DOCK1: variants seen among roughly 807,000 people sequenced by gnomAD.
The protein encoded by DOCK1 is dedicator of cytokinesis protein 1.
Under a neutral mutation model 262.7 loss-of-function variants are expected in DOCK1, and 138 were observed. The ratio of observed to expected loss-of-function variants is 0.53; its 90% CI spans 0.46 to 0.61. DOCK1 has a LOEUF of 0.61. Ranked by LOEUF, DOCK1 falls within the 20% of genes least tolerant of loss-of-function variation. DOCK1 has a pLI of 0.00. For synonymous variants in DOCK1, 866 were observed against 867.4 expected, an observed-to-expected ratio of 1.00 and a Z score of 0.03; for missense variants, 1,908 against 2,370.7, an observed-to-expected ratio of 0.80 and a Z score of 4.05.
intron 50 of DOCK1, 148 bp from the exon 51 acceptor site, chr10:127,447,246 C>A: frequency 1.8e-6 from 2 of 1,126,620 alleles, no homozygotes; most frequent in Non-Finnish European, 2.5e-6. Context: ...CCCTCCCTGC[C>A]CTCATCTGCT....
At chr10:126,977,790 C>T (rs1036072346) in intron 2 of DOCK1, among the ~76,000 whole-genome samples, 158 bp from the exon 3 acceptor site, 2 of 152,144 alleles carry the variant, frequency 1.3e-5, no homozygotes, top group East Asian at 3.9e-4. Context: ...TGGGAAACCA[C>T]GTAGTATATC....
chr10:127,010,343 T>C (rs1001073590), intron 11 of DOCK1, among the ~76,000 whole-genome samples: 3 of 152,154 alleles, frequency 2.0e-5, no homozygotes, highest in Non-Finnish European at 1.5e-5. Context: ...GGCAGGTGCC[T>C]GTAATCCCAG....
chr10:126,990,878 A>G (rs1022847753), intron 6 of DOCK1, among the ~76,000 whole-genome samples: 2 of 152,280 alleles, frequency 1.3e-5, no homozygotes, highest in South Asian at 4.2e-4. Flanking sequence ...AGGGAACCCC[A>G]TCATTACTCC....
intron 1 of DOCK1, among the ~76,000 whole-genome samples, chr10:126,936,795 C>A (rs1294813545): frequency 6.6e-6 from 1 of 152,166 alleles, no homozygotes; most frequent in Non-Finnish European, 1.5e-5. Flanking sequence ...GCAAAACATA[C>A]ATACCATGAA....
intron 27 of DOCK1, among the ~76,000 whole-genome samples, chr10:127,192,226 G>C (rs1402603339): frequency 5.9e-5 from 9 of 152,144 alleles, no homozygotes; most frequent in African/African-American, 1.7e-4. Flanking sequence ...GCAATACTTT[G>C]AATAAACAGT....
intron 27 of DOCK1, among the ~76,000 whole-genome samples, chr10:127,145,286 C>T (rs970585657): frequency 2.0e-5 from 3 of 152,128 alleles, no homozygotes; most frequent in African/African-American, 7.2e-5. Context: ...CTCTGCCCAT[C>T]GTAAGTTCTC....
At chr10:126,945,488 A>AGT (rs2035330140) in intron 1 of DOCK1, among the ~76,000 whole-genome samples, 1 of 151,212 alleles carries the variant, frequency 6.6e-6, no homozygotes, top group East Asian at 1.9e-4. Context: ...AGAGAGAGAG[A>AGT]GTGCACACAA....
At chr10:127,125,190 A>G (rs2049871422) in intron 25 of DOCK1, among the ~76,000 whole-genome samples, 1 of 152,354 alleles carries the variant, frequency 6.6e-6, no homozygotes, top group Non-Finnish European at 1.5e-5. Flanking sequence ...ACAGTGGGAT[A>G]TAAGTGTGTG....
intron 29 of DOCK1, among the ~76,000 whole-genome samples, chr10:127,302,894 A>C (rs2061737728): frequency 6.6e-6 from 1 of 152,118 alleles, no homozygotes; most frequent in African/African-American, 2.4e-5. Context: ...ATGCAGGTGC[A>C]TGGTCACTAG....
rs1458250982 is a variant in DOCK1 at position 127,123,795 on chromosome 10, C to G, written c.2624-1679C>G. ...CATCTTGGCACTGTGCTCTCCCTCA[C>G]TGACCTCCTGTGGGATTCCAGACAC... On this transcript the variant is annotated intron_variant, in intron 25 of 51. Coordinates refer to ENST00000623213, the MANE Select transcript of DOCK1 (RefSeq NM_001290223.2). 2.6e-5 allele frequency among the ~76,000 whole-genome samples: 4 copies of G among 152,202 alleles called. No individual in the cohort carries two copies. In the East Asian group the frequency reaches 5.8e-4, roughly 22 times the overall value.
intron 7 of DOCK1, chr10:126,997,680 T>G (rs2040308960): frequency 4.7e-6 from 1 of 214,210 alleles, no homozygotes; most frequent in African/African-American, 2.3e-5. Flanking sequence ...ATTGACTAAT[T>G]GAATCATCTG....
At chr10:127,048,602 C>A (rs1436663579) in intron 21 of DOCK1, among the ~76,000 whole-genome samples, 1 of 152,140 alleles carries the variant, frequency 6.6e-6, no homozygotes, top group Admixed American at 6.5e-5. Context: ...CTTAACAATG[C>A]CTGCACTGTC....
rs562550571 is a variant in DOCK1, at chr10:127,165,672, A to C, written c.2847+37908A>C. ...ATGAGGAAGGAAGAGCCAGACAGGC[A>C]TGTGACGGTCCTCTGAAGGACCACT... On this transcript the variant is annotated intron_variant, in intron 27 of 51. Coordinates refer to ENST00000623213, the MANE Select transcript of DOCK1 (RefSeq NM_001290223.2). Among the ~76,000 whole-genome samples the C allele has an allele frequency of 2.6e-5, 4 of 152,290 alleles. No homozygotes were observed. In the East Asian group the frequency reaches 5.8e-4, roughly 22 times the overall value.
chr10:126,927,470 A>G (rs1456033363), intron 1 of DOCK1, among the ~76,000 whole-genome samples: 1 of 151,374 alleles, frequency 6.6e-6, no homozygotes, highest in African/African-American at 2.4e-5. Flanking sequence ...ACAGGGTCTC[A>G]CTCTGTCGCT....
chr10:127,314,054 G>A (rs2062168892), intron 29 of DOCK1, among the ~76,000 whole-genome samples: 1 of 152,150 alleles, frequency 6.6e-6, no homozygotes, highest in Non-Finnish European at 1.5e-5. Flanking sequence ...GAATAATGAG[G>A]CTGGAAATAT....
At position 127,447,512 on chromosome 10, in the gene DOCK1, G is replaced by GC; in HGVS notation, c.5534dup (p.Thr1846AsnfsTer76). On this transcript the variant is annotated frameshift_variant, in exon 51 of 52. Transcript: ENST00000623213. LOFTEE classifies it high-confidence loss of function. Reference sequence around the variant, plus strand: ...TGGAAAACCAGGACTTGCTGGGCTCGCCAACACCTCCACCTCCCCCTCCAC... The same window carrying GC: ...TGGAAAACCAGGACTTGCTGGGCTCGCCCAACACCTCCACCTCCCCCTCCAC... 1 of 1,613,784 alleles carries GC rather than the reference G, an allele frequency of 6.2e-7. No individual in the cohort carries two copies. The highest frequency in any genetic ancestry group is 8.5e-7 in the Non-Finnish European group (1 of 1,179,802).
chr10:126,988,821 C>T (rs1037210696), intron 5 of DOCK1, among the ~76,000 whole-genome samples: 7 of 152,046 alleles, frequency 4.6e-5, no homozygotes, highest in Middle Eastern at 3.2e-3. Context: ...GCCTGTAATC[C>T]CAGCACTTAG....
At chr10:127,117,041 A>G (rs1398089376) in intron 25 of DOCK1, among the ~76,000 whole-genome samples, 1 of 152,160 alleles carries the variant, frequency 6.6e-6, no homozygotes, top group African/African-American at 2.4e-5. Context: ...CTTTCATTAT[A>G]TATGTTTTTG....
rs1405156269 is a variant in DOCK1, at chr10:127,339,008, T to C, written c.3047T>C (p.Val1016Ala). The C allele has an allele frequency of 6.3e-7, 1 of 1,576,832 alleles. No individual in the cohort carries two copies. ...WVIMNMVQNK[V>A]FLRAINQYAD... ...GTAATTTTCTCTTGATCTTTCAGAG[T>C]CTTCCTGCGAGCAATTAATCAGTAT... The change falls in exon 30 of 52, where the codon GTC (valine) becomes GCC (alanine). Residue 1016 changes from valine (V) to alanine (A), a missense_variant and splice_region_variant. Physicochemically the swap from Val to Ala is moderately conservative, Grantham distance 64 (BLOSUM62 0). This residue lies in a region of DOCK1 where 518 missense variants were observed against 575.1 expected (regional missense o/e 0.90). Coordinates refer to ENST00000623213, the MANE Select transcript of DOCK1 (RefSeq NM_001290223.2).
Sources: allele counts gnomAD v4.1 joint callset (sites outside exome capture counted in the v4.1 genomes callset), GRCh38; gene constraint gnomAD v4.1.1; regional missense constraint gnomAD v4.1.1; transcripts MANE v1.5; gene names NCBI Gene and HGNC (gene_info 2026-07-23, HGNC 2026-07-21).